Variants in MAGI1 observed in about 807,000 individuals in gnomAD.
MAGI1 encodes the protein membrane-associated guanylate kinase, WW and PDZ domain-containing protein 1.
MAGI1 carries 58 observed loss-of-function variants against 139.9 expected under a neutral mutation model. That is an observed-to-expected ratio of 0.41 (90% CI 0.34 to 0.52). The LOEUF (loss-of-function observed/expected upper bound fraction) is 0.52. Ranked by LOEUF, MAGI1 falls within the 20% of genes least tolerant of loss-of-function variation. MAGI1 has a pLI of 0.12. For synonymous variants in MAGI1, 812 were observed against 737.9 expected (o/e 1.10, Z -1.63); for missense variants, 1,874 against 1,901.6 (o/e 0.99, Z 0.27).
chr3:65,978,393 T>C (rs2065370757), intron 1 of MAGI1, among the ~76,000 whole-genome samples: 1 of 152,112 alleles, frequency 6.6e-6, no homozygotes, highest in African/African-American at 2.4e-5. Context: ...AGAGACCTGC[T>C]CTGTCTTGCT....
At chr3:65,854,342 G>A (rs1257618516) in intron 1 of MAGI1, among the ~76,000 whole-genome samples, 1 of 152,124 alleles carries the variant, frequency 6.6e-6, no homozygotes, top group Non-Finnish European at 1.5e-5. Flanking sequence ...ATGAGTACAT[G>A]CAATACACTT....
In MAGI1 at chr3:65,754,539, C is replaced by T. The variant is rs2036410038; in HGVS notation, c.314-132451G>A. ...CTTATTAGATGTATTTCATGATTCA[C>T]TTTCTGATGTTGAGCCTGCCTTTTT... On this transcript the variant is annotated intron_variant, in intron 1 of 22. Coordinates refer to ENST00000402939, the MANE Select transcript of MAGI1 (RefSeq NM_001033057.2). Among the ~76,000 whole-genome samples, 4 of 152,194 alleles carry T rather than the reference C, an allele frequency of 2.6e-5. No homozygotes were observed. The South Asian group carries it at 8.3e-4, about 32-fold the overall frequency.
intron 2 of MAGI1, among the ~76,000 whole-genome samples, chr3:65,610,217 A>G (rs2082975734): frequency 6.6e-6 from 1 of 152,168 alleles, no homozygotes; most frequent in African/African-American, 2.4e-5. Context: ...TTCTGAAGCA[A>G]TGCAAGACAC....
Position 65,580,730 on chromosome 3 carries a change from T to A in MAGI1, c.430+41242A>T, listed in dbSNP as rs1341084933. On this transcript the variant is annotated intron_variant, in intron 2 of 22. Transcript: ENST00000402939. Reference sequence around the variant, plus strand: ...TGGGCTATCAGATTACTCAAGCACCTCTGAATGCTTAAGACTGACAAGTCG... The same window carrying A: ...TGGGCTATCAGATTACTCAAGCACCACTGAATGCTTAAGACTGACAAGTCG... 2.0e-5 allele frequency among the ~76,000 whole-genome samples: 3 copies of A among 152,212 alleles called. No individual in the cohort carries two copies. In the South Asian group the frequency reaches 6.2e-4, roughly 32 times the overall value.
At chr3:65,774,607 T>C (rs373605234) in intron 1 of MAGI1, among the ~76,000 whole-genome samples, 5 of 152,200 alleles carry the variant, frequency 3.3e-5, no homozygotes, top group African/African-American at 1.2e-4. Flanking sequence ...ACATAGTTTA[T>C]GGATATACTG....
At chr3:65,919,761 A>G (rs2062086079) in intron 1 of MAGI1, among the ~76,000 whole-genome samples, 1 of 152,002 alleles carries the variant, frequency 6.6e-6, no homozygotes, top group South Asian at 2.1e-4. Context: ...GGCTTTGTTA[A>G]CAGTGACCAT....
chr3:65,586,876 G>T (rs953663560), intron 2 of MAGI1, among the ~76,000 whole-genome samples: 9 of 152,006 alleles, frequency 5.9e-5, no homozygotes, highest in African/African-American at 2.2e-4. Flanking sequence ...GAAGCTTCTG[G>T]TATGGGCGAA....
intron 1 of MAGI1, among the ~76,000 whole-genome samples, chr3:66,028,289 T>C (rs2068405064): frequency 6.6e-6 from 1 of 152,084 alleles, no homozygotes. Context: ...GCTTGTAGGG[T>C]AGGTACTTCA....
chr3:65,913,540 G>A (rs1453076233), intron 1 of MAGI1, among the ~76,000 whole-genome samples: 1 of 152,162 alleles, frequency 6.6e-6, no homozygotes, highest in African/African-American at 2.4e-5. Flanking sequence ...GTTCAGAAAG[G>A]AGAGATTCCA....
At chr3:65,884,195 A>T (rs1043590509) in intron 1 of MAGI1, among the ~76,000 whole-genome samples, 31 of 152,228 alleles carry the variant, frequency 2.0e-4, no homozygotes, top group African/African-American at 7.5e-4. Flanking sequence ...CAGAAAGAAA[A>T]ACACGTCCGA....
At chr3:65,558,062 T>C (rs1287167001) in intron 2 of MAGI1, among the ~76,000 whole-genome samples, 1 of 152,198 alleles carries the variant, frequency 6.6e-6, no homozygotes, top group Non-Finnish European at 1.5e-5. Flanking sequence ...GTCTCTCTAC[T>C]GTCACTGTCT....
intron 2 of MAGI1, among the ~76,000 whole-genome samples, chr3:65,604,203 A>AT (rs1455149244): frequency 3.9e-5 from 6 of 152,134 alleles, no homozygotes; most frequent in African/African-American, 9.7e-5. Flanking sequence ...AAAAAAAAAA[A>AT]GTATCTGAGG....
intron 1 of MAGI1, among the ~76,000 whole-genome samples, chr3:65,672,122 T>C (rs2086898829): frequency 1.3e-5 from 2 of 152,146 alleles, no homozygotes; most frequent in African/African-American, 2.4e-5. Context: ...TTGCCAAAAC[T>C]GAATTTACTA....
intron 1 of MAGI1, among the ~76,000 whole-genome samples, chr3:65,932,198 C>A (rs1474320635): frequency 6.6e-6 from 1 of 152,104 alleles, no homozygotes; most frequent in Admixed American, 6.5e-5. Context: ...TATTTTCTTG[C>A]ACATTTTCTC....
intron 1 of MAGI1, among the ~76,000 whole-genome samples, chr3:65,638,597 ATTT>A (rs1173086138): frequency 0.03 from 1,230 of 40,672 alleles, 16 homozygotes; most frequent in African/African-American, 0.098. Context: ...TGCTCTCCTG[ATTT>A]TTTTTTTTTT....
chr3:65,725,876 G>A lies in MAGI1; in HGVS notation c.314-103788C>T, dbSNP rs1325411589. On this transcript the variant is annotated intron_variant, in intron 1 of 22. Coordinates refer to ENST00000402939, the MANE Select transcript of MAGI1 (RefSeq NM_001033057.2). ...AAAGTCTATGCATAACAGGAAAAAG[G>A]TTGGAACTCAAATTCTGAAAAAAAC... Among the ~76,000 whole-genome samples the A allele has an allele frequency of 3.9e-5, 6 of 152,268 alleles. No individual in the cohort carries two copies. In the East Asian group the frequency reaches 1.2e-3, roughly 29 times the overall value.
At chr3:65,979,618 G>C (rs2065461544) in intron 1 of MAGI1, among the ~76,000 whole-genome samples, 1 of 152,024 alleles carries the variant, frequency 6.6e-6, no homozygotes, top group African/African-American at 2.4e-5. Flanking sequence ...CTCTTTCTTT[G>C]TTCCTCATTT....
chr3:65,407,710 C>A (rs1262874789), intron 12 of MAGI1, among the ~76,000 whole-genome samples: 1 of 152,058 alleles, frequency 6.6e-6, no homozygotes, highest in East Asian at 1.9e-4. Flanking sequence ...AAAGGAAATG[C>A]ACTAAAATAT....
At chr3:65,729,612 AC>A (rs144240936) in intron 1 of MAGI1, among the ~76,000 whole-genome samples, 35,785 of 151,998 alleles carry the variant, frequency 0.24, 4,813 homozygotes, top group Non-Finnish European at 0.31. Flanking sequence ...TACAACCACT[AC>A]CCAGCAAGGC....
Sources: gnomAD v4.1 joint callset for allele counts (sites outside exome capture counted in the v4.1 genomes callset) on GRCh38, gnomAD v4.1.1 for gene constraint, MANE v1.5 for transcripts, NCBI Gene and HGNC (gene_info 2026-07-23, HGNC 2026-07-21) for gene names.